The following AGBL1 variants were observed in gnomAD, a reference collection of about 807,000 sequenced individuals.
The protein encoded by AGBL1 is cytosolic carboxypeptidase 4.
Under a neutral mutation model 118.9 loss-of-function variants are expected in AGBL1, and 130 were observed. That is an observed-to-expected ratio of 1.09 (90% CI 0.95 to 1.26). The LOEUF (loss-of-function observed/expected upper bound fraction) is 1.26. AGBL1 is among the 50% of genes most tolerant of loss of function. The pLI, the probability that AGBL1 is intolerant of heterozygous loss-of-function variation, is 0.00. For synonymous variants in AGBL1, 555 were observed against 478.9 expected (o/e 1.16, Z -2.08); for missense variants, 1,584 against 1,298.1 (o/e 1.22, Z -3.38).
intron 22 of AGBL1, among the ~76,000 whole-genome samples, chr15:86,806,642 A>G (rs2078717554): frequency 6.6e-6 from 1 of 152,106 alleles, no homozygotes; most frequent in South Asian, 2.1e-4. Context: ...GTAAAATGGG[A>G]GAAATAATAC....
intron 22 of AGBL1, among the ~76,000 whole-genome samples, chr15:86,776,632 T>A (rs2078258696): frequency 6.6e-6 from 1 of 151,770 alleles, no homozygotes; most frequent in African/African-American, 2.4e-5. Flanking sequence ...TGTGGTTTTT[T>A]TTTATTTATG....
intron 22 of AGBL1, among the ~76,000 whole-genome samples, chr15:86,885,093 TTTAA>T (rs1361281634): frequency 3.6e-4 from 52 of 143,890 alleles, no homozygotes; most frequent in Non-Finnish European, 2.8e-4. Context: ...TATAACCTAG[TTTAA>T]TTATATATAA....
chr15:86,659,856 G>A (rs940611274), intron 21 of AGBL1, among the ~76,000 whole-genome samples: 1 of 152,168 alleles, frequency 6.6e-6, no homozygotes, highest in Non-Finnish European at 1.5e-5. Context: ...GGGCATCAAA[G>A]TTATATGGGC....
At chr15:86,941,532 C>T (rs369197862) in intron 23 of AGBL1, among the ~76,000 whole-genome samples, 63 of 152,282 alleles carry the variant, frequency 4.1e-4, no homozygotes, top group African/African-American at 1.4e-3. Context: ...AAGCTGAGAT[C>T]CAACCTGGCT....
chr15:86,628,679 C>T (rs1011904345), intron 21 of AGBL1, among the ~76,000 whole-genome samples: 1 of 151,806 alleles, frequency 6.6e-6, no homozygotes, highest in Admixed American at 6.6e-5. Context: ...GCCTGTAGTC[C>T]CAGCTACTTG....
chr15:86,659,430 C>A (rs2085506729), intron 21 of AGBL1, among the ~76,000 whole-genome samples: 1 of 152,196 alleles, frequency 6.6e-6, no homozygotes, highest in Non-Finnish European at 1.5e-5. Context: ...GTGATACAAT[C>A]TAGACCTGCA....
chr15:86,242,382 C>T (rs1178865023), intron 6 of AGBL1, among the ~76,000 whole-genome samples: 1 of 152,174 alleles, frequency 6.6e-6, no homozygotes, highest in African/African-American at 2.4e-5. Context: ...TGTATTATCT[C>T]ATTTAATTCT....
At chr15:86,875,466 GTTGGGATCAGCGT>G (rs2079794171) in intron 22 of AGBL1, among the ~76,000 whole-genome samples, 2 of 152,296 alleles carry the variant, frequency 1.3e-5, no homozygotes, top group Admixed American at 1.3e-4. Context: ...TGAGTGAGCG[GTTGGGATCAGCGT>G]TGAGCCTCAT....
intron 21 of AGBL1, among the ~76,000 whole-genome samples, chr15:86,582,826 A>G (rs1263639030): frequency 7.1e-6 from 1 of 141,578 alleles, no homozygotes; most frequent in Non-Finnish European, 1.5e-5. Context: ...ACACATGGAC[A>G]CAGGAAGGGG....
chr15:86,171,077 A>G (rs2077407574), intron 5 of AGBL1, among the ~76,000 whole-genome samples: 1 of 152,198 alleles, frequency 6.6e-6, no homozygotes. Flanking sequence ...TGAAATAAAG[A>G]CTTTTCGGAC....
At chr15:86,102,249 C>A (rs1051424114) in intron 1 of AGBL1, among the ~76,000 whole-genome samples, 6 of 152,122 alleles carry the variant, frequency 3.9e-5, no homozygotes, top group African/African-American at 1.4e-4. Context: ...CCACATTGGC[C>A]AGGCTGATCT....
intron 21 of AGBL1, among the ~76,000 whole-genome samples, chr15:86,659,257 A>C (rs2142511970): frequency 6.6e-6 from 1 of 152,288 alleles, no homozygotes. Context: ...AAACAGTGCA[A>C]GAATTGGTGT....
At chr15:86,439,057 A>G (rs894650458) in intron 18 of AGBL1, among the ~76,000 whole-genome samples, 2 of 151,916 alleles carry the variant, frequency 1.3e-5, no homozygotes, top group Non-Finnish European at 2.9e-5. Context: ...CGGGTGGCAA[A>G]CTCAACCAGG....
intron 17 of AGBL1, among the ~76,000 whole-genome samples, chr15:86,380,944 G>T (rs930880252): frequency 6.6e-6 from 1 of 151,908 alleles, no homozygotes; most frequent in South Asian, 2.1e-4. Context: ...AAGTGTGTGT[G>T]TGTGTGTGTG....
chr15:86,918,089 G>T (rs577996274), downstream of AGBL1, among the ~76,000 whole-genome samples: 3 of 152,152 alleles, frequency 2.0e-5, no homozygotes, highest in African/African-American at 7.2e-5. Context: ...AATTTGCAAA[G>T]TTCATTTCTA....
rs913675397 is a variant in AGBL1 at position 86,662,584 on chromosome 15, T to C, written c.2995-11689T>C. Among the ~76,000 whole-genome samples, 9 of 152,334 alleles carry C rather than the reference T, an allele frequency of 5.9e-5. No homozygotes were observed. The East Asian group carries it at 1.3e-3, about 23-fold the overall frequency. ...ATCTGGTCTATGAGCTTTTGATTCATTGGCTGCTGCAATGATAGAGGGAGC... is the reference window on the plus strand; with the variant it reads ...ATCTGGTCTATGAGCTTTTGATTCACTGGCTGCTGCAATGATAGAGGGAGC... On this transcript the variant is annotated intron_variant, in intron 21 of 22. Transcript: ENST00000614907.
intron 5 of AGBL1, among the ~76,000 whole-genome samples, chr15:86,223,670 C>T (rs1382551030): frequency 6.6e-6 from 1 of 152,176 alleles, no homozygotes; most frequent in Admixed American, 6.5e-5. Context: ...TCATTTTGGT[C>T]TCCCTGAGTG....
Position 86,170,825 on chromosome 15 carries a change from G to A in AGBL1, c.488+11799G>A, listed in dbSNP as rs573963923. On this transcript the variant is annotated intron_variant, in intron 5 of 22. Transcript: ENST00000614907. ...CACACCACTGCACTCCAGCCTGGGC[G>A]ACTGAGCAAGACTCTGTCTCCACAA... 1.8e-3 allele frequency among the ~76,000 whole-genome samples: 275 copies of A among 151,262 alleles called. 1 individual carries two copies. The highest frequency in any genetic ancestry group is 6.2e-3 in the African/African-American group (255 of 41,132).
At chr15:86,594,288 G>T (rs569463939) in intron 21 of AGBL1, among the ~76,000 whole-genome samples, 27 of 152,200 alleles carry the variant, frequency 1.8e-4, no homozygotes, top group Non-Finnish European at 1.8e-4. Context: ...TTCATATGTT[G>T]CTAGAGTCAT....
Sources: gnomAD v4.1 joint callset for allele counts (sites outside exome capture counted in the v4.1 genomes callset) on GRCh38, gnomAD v4.1.1 for gene constraint, MANE v1.5 for transcripts, NCBI Gene and HGNC (gene_info 2026-07-23, HGNC 2026-07-21) for gene names.